CDC42SE2: variants seen among roughly 807,000 people sequenced by gnomAD.
The protein encoded by CDC42SE2 is CDC42 small effector 2, also known as CDC42 small effector protein 2.
In CDC42SE2, 3 loss-of-function variants were observed where a neutral mutation model predicts 11.5. That is an observed-to-expected ratio of 0.26 (90% CI 0.12 to 0.67). The LOEUF (loss-of-function observed/expected upper bound fraction) is 0.67. Ranked by LOEUF, CDC42SE2 falls within the 30% of genes least tolerant of loss-of-function variation. The probability of loss-of-function intolerance (pLI) is 0.80; values close to 1 mark genes in which losing one functional copy is unlikely to be tolerated. For synonymous variants in CDC42SE2, 33 were observed against 34.8 expected, an observed-to-expected ratio of 0.95 and a Z score of 0.18; for missense variants, 82 against 106.8, an observed-to-expected ratio of 0.77 and a Z score of 1.02.
intron 2 of CDC42SE2, among the ~76,000 whole-genome samples, chr5:131,340,687 CTT>C (rs34401592): frequency 3.1e-4 from 45 of 146,650 alleles, no homozygotes; most frequent in East Asian, 1.2e-3. Flanking sequence ...GTTTGAGTAT[CTT>C]TTTTTTTTTT....
intron 3 of CDC42SE2, among the ~76,000 whole-genome samples, chr5:131,381,412 C>T (rs541081478): frequency 2.0e-5 from 3 of 152,234 alleles, no homozygotes; most frequent in Non-Finnish European, 4.4e-5. Context: ...CAACCTCCGC[C>T]TCCTGGGTTC....
chr5:131,225,619 C>T, the CDC42SE2 span, among the ~76,000 whole-genome samples: 10 of 152,104 alleles, frequency 6.6e-5, no homozygotes, highest in African/African-American at 1.9e-4. Flanking sequence ...CTCTATGTTC[C>T]GCCAAGGCTC....
chr5:131,269,729 A>G (rs979432819), intron 1 of CDC42SE2, among the ~76,000 whole-genome samples: 1 of 151,172 alleles, frequency 6.6e-6, no homozygotes, highest in South Asian at 2.1e-4. Flanking sequence ...GCGCCACTGC[A>G]CTCCTGCCTG....
the CDC42SE2 span, among the ~76,000 whole-genome samples, chr5:131,220,211 G>C: frequency 6.6e-6 from 1 of 151,936 alleles, no homozygotes; most frequent in African/African-American, 2.4e-5. Context: ...TCAGATTTTT[G>C]TTTGTTTGTT....
chr5:131,332,618 C>T (rs1192425655), intron 2 of CDC42SE2, among the ~76,000 whole-genome samples: 2 of 152,114 alleles, frequency 1.3e-5, no homozygotes, highest in African/African-American at 4.8e-5. Flanking sequence ...TCCACATCCT[C>T]TCCAGCACCT....
chr5:131,359,498 G>A lies in CDC42SE2; in HGVS notation c.5G>A (p.Ser2Asn). 6.2e-7 allele frequency: 1 copy of A among 1,613,100 alleles called. No homozygotes were observed. Among genetic ancestry groups the A allele is most frequent in the Non-Finnish European group, 8.5e-7 (1 of 1,179,066 alleles). Residue 2 changes from serine (S) to asparagine (N), a missense_variant, in exon 3 of 5, where the codon AGT (serine) becomes AAT (asparagine). Physicochemically the swap from Ser to Asn is conservative, Grantham distance 46. Transcript: ENST00000505065. ...CATTTACTGTGGACTGTAAGCATGA[G>A]TGAATTCTGGTTGTGTTTCAACTGC... M[S>N]EFWLCFNCCI...
At chr5:131,220,451 C>T in the CDC42SE2 span, among the ~76,000 whole-genome samples, 1 of 152,086 alleles carries the variant, frequency 6.6e-6, no homozygotes, top group Non-Finnish European at 1.5e-5. Flanking sequence ...GTGATCCGCC[C>T]ACCTCAGCTT....
intron 1 of CDC42SE2, among the ~76,000 whole-genome samples, chr5:131,314,276 G>A (rs186461252): frequency 2.2e-3 from 328 of 150,904 alleles, no homozygotes; most frequent in Middle Eastern, 0.02. Flanking sequence ...CTGTTGCCGG[G>A]GTTGGAGTTC....
upstream of CDC42SE2, among the ~76,000 whole-genome samples, chr5:131,241,172 G>A (rs1009342532): frequency 2.0e-5 from 3 of 151,636 alleles, no homozygotes; most frequent in East Asian, 5.8e-4. Context: ...TAGAGAAGGG[G>A]TTTCACCATG....
chr5:131,284,278 A>G (rs573249985), intron 1 of CDC42SE2, among the ~76,000 whole-genome samples: 140 of 152,344 alleles, frequency 9.2e-4, no homozygotes, highest in African/African-American at 3.3e-3. Flanking sequence ...AGCATTAGTT[A>G]TAATTTTAAA....
At chr5:131,310,207 C>G (rs1164913043) in intron 1 of CDC42SE2, among the ~76,000 whole-genome samples, 1 of 151,830 alleles carries the variant, frequency 6.6e-6, no homozygotes, top group Non-Finnish European at 1.5e-5. Flanking sequence ...GTTATGTACC[C>G]AGTAGTCATT....
the CDC42SE2 span, among the ~76,000 whole-genome samples, chr5:131,213,502 G>A: frequency 6.6e-6 from 1 of 152,088 alleles, no homozygotes; most frequent in Non-Finnish European, 1.5e-5. Flanking sequence ...AGGGTGGAGT[G>A]CAGTGGCACA....
upstream of CDC42SE2, among the ~76,000 whole-genome samples, chr5:131,244,093 T>G (rs887240124): frequency 6.6e-6 from 1 of 152,188 alleles, no homozygotes; most frequent in African/African-American, 2.4e-5. Context: ...GTACTAGAGA[T>G]AGAAAACCAT....
intron 2 of CDC42SE2, among the ~76,000 whole-genome samples, chr5:131,258,326 A>G (rs1756694677): frequency 2.0e-5 from 3 of 151,982 alleles, no homozygotes. Flanking sequence ...TTTAACAAAC[A>G]TATAAAGGAA....
At chr5:131,387,570 G>T (rs570846109) in intron 4 of CDC42SE2, among the ~76,000 whole-genome samples, 1 of 152,090 alleles carries the variant, frequency 6.6e-6, no homozygotes, top group South Asian at 2.1e-4. Flanking sequence ...AAATCCAACC[G>T]TATAGGAGGA....
At chr5:131,266,656 C>T (rs759685886) in intron 1 of CDC42SE2, among the ~76,000 whole-genome samples, 1 of 151,974 alleles carries the variant, frequency 6.6e-6, no homozygotes, top group African/African-American at 2.4e-5. Flanking sequence ...CGGGGTTTCT[C>T]TGTGTTGGCC....
chr5:131,323,780 G>A (rs1758244280), intron 2 of CDC42SE2, among the ~76,000 whole-genome samples: 1 of 151,964 alleles, frequency 6.6e-6, no homozygotes, highest in African/African-American at 2.4e-5. Flanking sequence ...GATTTGATCT[G>A]TTTGTTTACT....
chr5:131,384,462 G>T (rs968332002), intron 3 of CDC42SE2, among the ~76,000 whole-genome samples: 13 of 152,250 alleles, frequency 8.5e-5, no homozygotes, highest in Admixed American at 8.5e-4. Context: ...ACTCTGCTTG[G>T]TTTTGAGGGA....
At chr5:131,333,767 C>A (rs1296965018) in intron 2 of CDC42SE2, among the ~76,000 whole-genome samples, 1 of 151,682 alleles carries the variant, frequency 6.6e-6, no homozygotes, top group Non-Finnish European at 1.5e-5. Context: ...GGCTCTCTGT[C>A]TGTTATTGAT....
Sources: gnomAD v4.1 joint callset for allele counts (sites outside exome capture counted in the v4.1 genomes callset) on GRCh38, gnomAD v4.1.1 for gene constraint, MANE v1.5 for transcripts, NCBI Gene and HGNC (gene_info 2026-07-23, HGNC 2026-07-21) for gene names.